Variants in DYNLT2B observed in about 807,000 individuals in gnomAD.
The protein encoded by DYNLT2B is dynein light chain Tctex-type protein 2B.
In DYNLT2B, 14 loss-of-function variants were observed where a neutral mutation model predicts 19.5. That is an observed-to-expected ratio of 0.72 (90% CI 0.47 to 1.12). DYNLT2B has a LOEUF of 1.12. DYNLT2B is among the 50% of genes most tolerant of loss of function. The pLI, the probability that DYNLT2B is intolerant of heterozygous loss-of-function variation, is 0.00. For missense variants in DYNLT2B, 133 were observed against 174.7 expected (o/e 0.76, Z 1.35); for synonymous variants, 70 against 59.7 (o/e 1.17, Z -0.79).
intron 3 of DYNLT2B, among the ~76,000 whole-genome samples, chr3:196,300,692 G>A (rs1273695758): frequency 7.2e-6 from 1 of 139,746 alleles, no homozygotes; most frequent in African/African-American, 2.6e-5. Context: ...TCATGCCATT[G>A]CACTCCAGCC....
chr3:196,316,989 C>A (rs1726835994), intron 1 of DYNLT2B, among the ~76,000 whole-genome samples: 2 of 134,956 alleles, frequency 1.5e-5, no homozygotes, highest in African/African-American at 5.7e-5. Flanking sequence ...TGAGTACCCT[C>A]TGCTCTGGCC....
At chr3:196,311,895 T>C (rs1170038180) in intron 2 of DYNLT2B, among the ~76,000 whole-genome samples, 1 of 152,008 alleles carries the variant, frequency 6.6e-6, no homozygotes, top group African/African-American at 2.4e-5. Context: ...GGCTAATTTT[T>C]GTTTTGTTTT....
At chr3:196,299,378 C>T (rs1007402545) in intron 3 of DYNLT2B, among the ~76,000 whole-genome samples, 3 of 151,912 alleles carry the variant, frequency 2.0e-5, no homozygotes, top group Non-Finnish European at 4.4e-5. Context: ...AGCCACTGTG[C>T]TTGGCCCTAA....
chr3:196,316,572 T>C (rs1221622431), intron 1 of DYNLT2B, among the ~76,000 whole-genome samples: 1 of 151,778 alleles, frequency 6.6e-6, no homozygotes, highest in Non-Finnish European at 1.5e-5. Context: ...CAAAATAAAA[T>C]AAAATAAAAT....
At chr3:196,296,123 C>CAT in intron 3 of DYNLT2B, 54 bp from the exon 4 acceptor site, 1 of 1,435,434 alleles carries the variant, frequency 7.0e-7, no homozygotes. Context: ...ACCTAAACGA[C>CAT]ACATATCTGC....
chr3:196,304,554 T>C (rs1422511359), intron 3 of DYNLT2B, among the ~76,000 whole-genome samples: 1 of 151,960 alleles, frequency 6.6e-6, no homozygotes, highest in Non-Finnish European at 1.5e-5. Flanking sequence ...AGGCCGAGCA[T>C]GGTGTTGGCA....
chr3:196,317,584 G>GT (rs1726909419), intron 1 of DYNLT2B, among the ~76,000 whole-genome samples: 1 of 152,064 alleles, frequency 6.6e-6, no homozygotes, highest in African/African-American at 2.4e-5. Context: ...CGCTGCGGTG[G>GT]TCTAAGGGCC....
At chr3:196,316,737 TAAAC>T (rs1212761351) in intron 1 of DYNLT2B, among the ~76,000 whole-genome samples, 2 of 152,150 alleles carry the variant, frequency 1.3e-5, no homozygotes, top group South Asian at 2.1e-4. Flanking sequence ...AGAATAAAAA[TAAAC>T]AAAGAAATTT....
intron 3 of DYNLT2B, among the ~76,000 whole-genome samples, chr3:196,304,136 A>AT (rs1049937290): frequency 2.6e-5 from 4 of 151,826 alleles, no homozygotes; most frequent in Non-Finnish European, 4.4e-5. Flanking sequence ...TGGTTTTTTT[A>AT]TTTTTTTATT....
chr3:196,318,068 A>G lies in DYNLT2B; in HGVS notation c.85T>C (p.Tyr29His), dbSNP rs756237059. The G allele has an allele frequency of 1.9e-6, 3 of 1,559,810 alleles. No homozygotes were observed. Among genetic ancestry groups the G allele is most frequent in the Non-Finnish European group, 2.6e-6 (3 of 1,157,166 alleles). ...TGCTGGAAAACAGGCCGCAGAATAT[A>G]GGTGTTCTCGGGCTCCCCTGCGTTC... ...EKNAGEPENT[Y>H]ILRPVFQQRF... The change falls in exon 1 of 5, where the codon TAT becomes CAT. Residue 29 changes from tyrosine to histidine, a missense_variant. Physicochemically the swap from Tyr to His is moderately conservative, Grantham distance 83. Transcript: ENST00000325318.
rs181523898 is a variant in DYNLT2B at position 196,315,639 on chromosome 3, G to A, written c.247+459C>T. Among the ~76,000 whole-genome samples the A allele has an allele frequency of 3.2e-3, 483 of 151,752 alleles. 4 individuals are homozygous for A. Among genetic ancestry groups the A allele is most frequent in the African/African-American group, 0.011 (466 of 41,446 alleles). ...TGTAATCCCAGCACCTTGAGAGGCCGAGGCGGGTGGATTACCTGAGGTCAG... is the reference window on the plus strand; with the variant it reads ...TGTAATCCCAGCACCTTGAGAGGCCAAGGCGGGTGGATTACCTGAGGTCAG... On this transcript the variant is annotated intron_variant, in intron 2 of 4. Transcript: ENST00000325318.
chr3:196,304,485 T>TA (rs947833230), intron 3 of DYNLT2B, among the ~76,000 whole-genome samples: 18 of 151,710 alleles, frequency 1.2e-4, no homozygotes, highest in Admixed American at 5.3e-4. Context: ...CCCAAACTGA[T>TA]AAAAAAAATC....
At chr3:196,291,476 C>T in intron 4 of DYNLT2B, 102 bp from the exon 5 acceptor site, 1 of 1,316,738 alleles carries the variant, frequency 7.6e-7, no homozygotes, top group South Asian at 1.4e-5. Context: ...TCAGATCTTT[C>T]CAATTTTTTT....
At chr3:196,308,580 G>C (rs1364848200) in intron 2 of DYNLT2B, among the ~76,000 whole-genome samples, 1 of 152,154 alleles carries the variant, frequency 6.6e-6, no homozygotes, top group Non-Finnish European at 1.5e-5. Flanking sequence ...AAGGAATAGT[G>C]GAAAGAGTTT....
chr3:196,296,291 A>AG (rs1726221078), intron 3 of DYNLT2B: 1 of 481,254 alleles, frequency 2.1e-6, no homozygotes, highest in Non-Finnish European at 3.7e-6. Flanking sequence ...AGAGGTGACC[A>AG]GCCAGGTACT....
chr3:196,297,856 C>CT (rs560492587), intron 3 of DYNLT2B, among the ~76,000 whole-genome samples: 1 of 151,980 alleles, frequency 6.6e-6, no homozygotes, highest in Non-Finnish European at 1.5e-5. Flanking sequence ...TATATTGGTT[C>CT]TTTTTTTTCC....
At chr3:196,310,904 TC>T (rs1377570953) in intron 2 of DYNLT2B, among the ~76,000 whole-genome samples, 1 of 151,150 alleles carries the variant, frequency 6.6e-6, no homozygotes, top group Non-Finnish European at 1.5e-5. Context: ...CCTGGCTAAT[TC>T]TTTGTATTTC....
At chr3:196,311,392 C>A (rs1726638425) in intron 2 of DYNLT2B, among the ~76,000 whole-genome samples, 2 of 149,222 alleles carry the variant, frequency 1.3e-5, no homozygotes, top group African/African-American at 2.5e-5. Context: ...CAGAGTGAGA[C>A]CCTGTCTCAA....
intron 4 of DYNLT2B, 52 bp from the exon 5 acceptor site, chr3:196,291,426 G>A: frequency 6.4e-6 from 10 of 1,562,346 alleles, no homozygotes; most frequent in Non-Finnish European, 8.7e-6. Flanking sequence ...GTACTAAAGA[G>A]GGAATGAGAG....
Sources: allele counts gnomAD v4.1 joint callset (sites outside exome capture counted in the v4.1 genomes callset), GRCh38; gene constraint gnomAD v4.1.1; transcripts MANE v1.5; gene names NCBI Gene and HGNC (gene_info 2026-07-23, HGNC 2026-07-21).